LRRN3: variants seen among roughly 807,000 people sequenced by gnomAD.
LRRN3 encodes the protein leucine-rich repeat neuronal protein 3.
A neutral mutation model predicts 40.1 loss-of-function variants in LRRN3; 15 were observed. That is an observed-to-expected ratio of 0.37 (90% CI 0.25 to 0.58). The LOEUF is 0.58. Ranked by LOEUF, LRRN3 falls within the 20% of genes least tolerant of loss-of-function variation. The pLI is 0.72. For missense variants in LRRN3, 746 were observed against 837.7 expected, an observed-to-expected ratio of 0.89 and a Z score of 1.35; for synonymous variants, 308 against 297.2, an observed-to-expected ratio of 1.04 and a Z score of -0.37.
At chr7:111,092,462 G>A (rs1441612702) in intron 1 of LRRN3, among the ~76,000 whole-genome samples, 1 of 152,138 alleles carries the variant, frequency 6.6e-6, no homozygotes, top group East Asian at 1.9e-4. Context: ...GTGAAAGCAG[G>A]CTATGAATAT....
At position 111,124,496 on chromosome 7, in the gene LRRN3, T is replaced by A; in HGVS notation, c.1724T>A (p.Val575Asp). The change falls in exon 3 of 3, where the codon GTC (valine) becomes GAC (aspartate). Residue 575 changes from valine (V) to aspartate (D), a missense_variant. Val to Asp is a radical substitution (Grantham distance 152). Coordinates refer to ENST00000308478, the MANE Select transcript of LRRN3 (RefSeq NM_001099658.2). ...CAAAGTGCTCGAATACCATCTGATGTCAAGGTATATAATCTTACTCATCTG... is the reference window on the plus strand; with the variant it reads ...CAAAGTGCTCGAATACCATCTGATGACAAGGTATATAATCTTACTCATCTG... ...AAQSARIPSDVKVYNLTHLNP... is the reference protein window; with the variant it reads ...AAQSARIPSDDKVYNLTHLNP... The A allele has an allele frequency of 6.2e-7, 1 of 1,613,946 alleles. No individual in the cohort carries two copies. Among genetic ancestry groups the A allele is most frequent in the Non-Finnish European group, 8.5e-7 (1 of 1,179,946 alleles).
intron 2 of LRRN3, among the ~76,000 whole-genome samples, chr7:111,121,007 C>T (rs1269386190): frequency 6.7e-6 from 1 of 150,368 alleles, no homozygotes; most frequent in East Asian, 1.9e-4. Flanking sequence ...AACTAAATTT[C>T]AAAGCTAATG....
intron 2 of LRRN3, among the ~76,000 whole-genome samples, chr7:111,111,614 A>G (rs1035627312): frequency 7.9e-5 from 12 of 152,060 alleles, no homozygotes; most frequent in Admixed American, 7.2e-4. Context: ...AGTAGAATTC[A>G]CCATAAAGCT....
intron 1 of LRRN3, among the ~76,000 whole-genome samples, chr7:111,099,211 G>A (rs1797711612): frequency 6.6e-6 from 1 of 151,598 alleles, no homozygotes; most frequent in Non-Finnish European, 1.5e-5. Context: ...GCAAAACTTA[G>A]CTCATTGGTC....
Position 111,123,347 on chromosome 7 carries a change from T to C in LRRN3, c.575T>C (p.Ile192Thr). 6.2e-7 allele frequency: 1 copy of C among 1,613,780 alleles called. No homozygotes were observed. The highest frequency in any genetic ancestry group is 8.5e-7 in the Non-Finnish European group (1 of 1,179,898). ...KWFDALPNLE[I>T]LMIGENPIIR... The stretch of plus-strand genomic sequence containing the variant: ...TTTGATGCTCTTCCAAATCTAGAGA[T>C]TCTGATGATTGGGGAAAATCCAATT... The change falls in exon 3 of 3, where the codon ATT (isoleucine) becomes ACT (threonine). Residue 192 changes from isoleucine (I) to threonine (T), a missense_variant. Coordinates refer to ENST00000308478, the MANE Select transcript of LRRN3 (RefSeq NM_001099658.2). This position sits in a 1 kb window ranked among gnomAD's most constrained non-coding sequence, Gnocchi z 6.4.
At chr7:111,099,304 T>C (rs1432781774) in intron 1 of LRRN3, among the ~76,000 whole-genome samples, 1 of 151,730 alleles carries the variant, frequency 6.6e-6, no homozygotes, top group African/African-American at 2.4e-5. Flanking sequence ...CATTCTCTTT[T>C]AAATGATGAA....
At chr7:111,094,184 C>A (rs987441188) in intron 1 of LRRN3, among the ~76,000 whole-genome samples, 7 of 152,028 alleles carry the variant, frequency 4.6e-5, no homozygotes, top group African/African-American at 1.5e-4. Context: ...TGTAACATGG[C>A]ACTATGGTAT....
chr7:111,119,008 G>A (rs546029545), intron 2 of LRRN3, among the ~76,000 whole-genome samples: 2 of 152,172 alleles, frequency 1.3e-5, no homozygotes, highest in Non-Finnish European at 2.9e-5. Flanking sequence ...ACACCCACCA[G>A]GATAATTTCA....
At chr7:111,107,568 A>G (rs911288785) in intron 2 of LRRN3, among the ~76,000 whole-genome samples, 8 of 152,142 alleles carry the variant, frequency 5.3e-5, no homozygotes, top group Admixed American at 3.3e-4. Flanking sequence ...CTGTGCATGT[A>G]TAACAAGCAT....
chr7:111,107,288 T>C (rs937733343), intron 2 of LRRN3, among the ~76,000 whole-genome samples: 2 of 152,024 alleles, frequency 1.3e-5, no homozygotes, highest in Admixed American at 1.3e-4. Flanking sequence ...ATTTAAATTA[T>C]ATGGGCATGT....
At chr7:111,115,640 TTTTTTA>T (rs1799794688) in intron 2 of LRRN3, among the ~76,000 whole-genome samples, 1 of 151,718 alleles carries the variant, frequency 6.6e-6, no homozygotes, top group African/African-American at 2.4e-5. Flanking sequence ...TTTGCAATTA[TTTTTTA>T]TTTTTATTAT....
rs745341811 is a variant in LRRN3, at chr7:111,123,728, A to G, written c.956A>G (p.Asn319Ser). 7 of 1,613,794 alleles carry G rather than the reference A, an allele frequency of 4.3e-6. No homozygotes were observed. In the East Asian group the frequency reaches 1.6e-4, roughly 36 times the overall value. The change falls in exon 3 of 3, where the codon AAC (asparagine) becomes AGC (serine). Residue 319 changes from asparagine (N) to serine (S), a missense_variant. By Grantham distance (46) the Asn-to-Ser change is conservative (BLOSUM62 1). Coordinates refer to ENST00000308478, the MANE Select transcript of LRRN3 (RefSeq NM_001099658.2). The surrounding 1 kb of genome is among the most constrained non-coding windows in gnomAD (Gnocchi z 6.4). ...PDLRKIEATN[N>S]PRLSYIHPNA... ...TTAAGAAAAATAGAAGCTACTAACA[A>G]CCCTAGATTGTCTTACATTCACCCC...
intron 1 of LRRN3, among the ~76,000 whole-genome samples, chr7:111,098,867 G>A (rs1586250149): frequency 6.6e-6 from 1 of 151,724 alleles, no homozygotes; most frequent in Admixed American, 6.6e-5. Context: ...CCTAAATATA[G>A]CTAGTTGATA....
At chr7:111,118,986 A>T (rs1800243346) in intron 2 of LRRN3, among the ~76,000 whole-genome samples, 1 of 152,188 alleles carries the variant, frequency 6.6e-6, no homozygotes, top group South Asian at 2.1e-4. Context: ...AAACACAAAT[A>T]TAAATTTTAA....
At position 111,124,734 on chromosome 7, in the gene LRRN3, C is replaced by T; in HGVS notation, c.1962C>T (p.Asn654=). 6.2e-7 allele frequency: 1 copy of T among 1,613,888 alleles called. No homozygotes were observed. Among genetic ancestry groups the T allele is most frequent in the Non-Finnish European group, 8.5e-7 (1 of 1,179,976 alleles). Residue 654 remains asparagine, a synonymous_variant, in exon 3 of 3, where the codon AAC becomes AAT. Coordinates refer to ENST00000308478, the MANE Select transcript of LRRN3 (RefSeq NM_001099658.2). ...TCAGCTGCCTCTCTCCAGAAATGAA[C>T]TGTGATGGTGGACACAGCTATGTGA... ...CLISCLSPEM[N]CDGGHSYVRN...
At chr7:111,095,524 T>C (rs1366321357) in intron 1 of LRRN3, among the ~76,000 whole-genome samples, 1 of 152,004 alleles carries the variant, frequency 6.6e-6, no homozygotes, top group Non-Finnish European at 1.5e-5. Flanking sequence ...GAAGCAACGA[T>C]TTATTAAGTA....
intron 2 of LRRN3, among the ~76,000 whole-genome samples, chr7:111,116,834 G>A (rs970509424): frequency 1.3e-5 from 2 of 152,150 alleles, no homozygotes; most frequent in Non-Finnish European, 2.9e-5. Context: ...ACCTTTCTGA[G>A]AAGATACCAA....
At chr7:111,107,608 T>G (rs1477105138) in intron 2 of LRRN3, among the ~76,000 whole-genome samples, 1 of 152,130 alleles carries the variant, frequency 6.6e-6, no homozygotes, top group Non-Finnish European at 1.5e-5. Flanking sequence ...GAATAGAATT[T>G]TAGAATCTAC....
At chr7:111,121,381 T>G (rs977343889) in intron 2 of LRRN3, among the ~76,000 whole-genome samples, 4 of 152,216 alleles carry the variant, frequency 2.6e-5, no homozygotes, top group African/African-American at 7.2e-5. Context: ...TTTGTCAATT[T>G]TGGCTTTTGT....
Sources: allele counts gnomAD v4.1 joint callset (sites outside exome capture counted in the v4.1 genomes callset), GRCh38; gene constraint gnomAD v4.1.1; non-coding constraint Gnocchi (gnomAD v3.1); transcripts MANE v1.5; gene names NCBI Gene and HGNC (gene_info 2026-07-23, HGNC 2026-07-21).